Variants in DLG2 observed in about 807,000 individuals in gnomAD.
DLG2 encodes the protein disks large homolog 2.
In DLG2, 45 loss-of-function variants were observed where a neutral mutation model predicts 132.5. The ratio of observed to expected loss-of-function variants is 0.34; its 90% CI spans 0.27 to 0.44. The LOEUF (loss-of-function observed/expected upper bound fraction) is 0.44, where lower values mean the gene tolerates loss of function less well. Among genes scored for constraint, DLG2 ranks in the 20% least tolerant of loss-of-function variants. The pLI is 1.00. For synonymous variants in DLG2, 424 were observed against 419.6 expected (o/e 1.01, Z -0.13); for missense variants, 1,045 against 1,196.9 (o/e 0.87, Z 1.87).
chr11:84,750,823 C>G (rs1316525968), intron 6 of DLG2, among the ~76,000 whole-genome samples: 1 of 152,096 alleles, frequency 6.6e-6, no homozygotes. Context: ...TATGATCTTA[C>G]CACCTGATTG....
At chr11:84,301,456 G>C (rs1323610073) in intron 7 of DLG2, among the ~76,000 whole-genome samples, 1 of 151,816 alleles carries the variant, frequency 6.6e-6, no homozygotes, top group African/African-American at 2.4e-5. Flanking sequence ...AGGAGATCGA[G>C]ACCATCCTGG....
chr11:83,516,161 A>C (rs1207191297), intron 21 of DLG2, among the ~76,000 whole-genome samples: 2 of 152,034 alleles, frequency 1.3e-5, no homozygotes, highest in African/African-American at 4.8e-5. Context: ...TGGGAGTGTA[A>C]GTCTCTTTGT....
intron 7 of DLG2, among the ~76,000 whole-genome samples, chr11:84,354,507 T>G (rs1356548273): frequency 6.6e-6 from 1 of 152,166 alleles, no homozygotes; most frequent in African/African-American, 2.4e-5. Flanking sequence ...AACTTTGTTG[T>G]CAGGGATGAG....
At chr11:83,578,919 C>G (rs780054579) in intron 19 of DLG2, among the ~76,000 whole-genome samples, 4 of 152,218 alleles carry the variant, frequency 2.6e-5, no homozygotes, top group African/African-American at 9.6e-5. Flanking sequence ...TCAGACCACA[C>G]AGACAGTGAG....
intron 6 of DLG2, among the ~76,000 whole-genome samples, chr11:84,789,202 C>T (rs561829900): frequency 2.6e-5 from 4 of 152,214 alleles, no homozygotes; most frequent in Admixed American, 2.6e-4. Context: ...ACTGCCTTTC[C>T]TGGAGTTTCT....
chr11:83,886,542 GAC>G (rs2067954314), intron 15 of DLG2, among the ~76,000 whole-genome samples: 1 of 152,148 alleles, frequency 6.6e-6, no homozygotes, highest in Non-Finnish European at 1.5e-5. Flanking sequence ...AGATGAATGA[GAC>G]AGAAAGTTAA....
chr11:84,666,267 AAAC>A (rs2099699629), intron 6 of DLG2, among the ~76,000 whole-genome samples: 1 of 152,146 alleles, frequency 6.6e-6, no homozygotes, highest in Non-Finnish European at 1.5e-5. Flanking sequence ...TGAATAGAAC[AAAC>A]AACTGACTCT....
chr11:85,202,031 G>GA (rs986093649), intron 4 of DLG2, among the ~76,000 whole-genome samples: 1 of 150,750 alleles, frequency 6.6e-6, no homozygotes, highest in Non-Finnish European at 1.5e-5. Context: ...GAGGAAAAAT[G>GA]AAAAAAATGA....
intron 11 of DLG2, among the ~76,000 whole-genome samples, chr11:84,056,385 C>T (rs2096499350): frequency 6.6e-6 from 1 of 152,104 alleles, no homozygotes; most frequent in South Asian, 2.1e-4. Context: ...TTTTGTCTCT[C>T]CTAGTTATGA....
At chr11:84,526,848 G>C (rs1425361353) in intron 7 of DLG2, among the ~76,000 whole-genome samples, 1 of 141,782 alleles carries the variant, frequency 7.1e-6, no homozygotes, top group Non-Finnish European at 1.5e-5. Flanking sequence ...GCGCAATCTC[G>C]GCTCACTGCA....
At chr11:85,159,626 C>T (rs537368568) in intron 4 of DLG2, among the ~76,000 whole-genome samples, 2 of 152,276 alleles carry the variant, frequency 1.3e-5, no homozygotes, top group South Asian at 4.2e-4. Flanking sequence ...AGTGGTGACT[C>T]CAATTGCAGC....
intron 11 of DLG2, among the ~76,000 whole-genome samples, chr11:84,015,576 C>T (rs1456586989): frequency 2.6e-5 from 4 of 152,080 alleles, no homozygotes; most frequent in Non-Finnish European, 5.9e-5. Context: ...TCTTGTTTCC[C>T]CCCATGTGTC....
At chr11:83,687,876 T>C (rs2080097532) in intron 18 of DLG2, among the ~76,000 whole-genome samples, 1 of 151,872 alleles carries the variant, frequency 6.6e-6, no homozygotes, top group Non-Finnish European at 1.5e-5. Flanking sequence ...ATGGCATACA[T>C]CTGAAGTCCC....
intron 6 of DLG2, among the ~76,000 whole-genome samples, chr11:84,924,123 C>T (rs923711397): frequency 3.3e-5 from 5 of 152,130 alleles, no homozygotes; most frequent in South Asian, 2.1e-4. Flanking sequence ...TAAAAACATC[C>T]GTCAGATCCT....
intron 10 of DLG2, among the ~76,000 whole-genome samples, chr11:84,095,418 C>T (rs2097152432): frequency 6.6e-6 from 1 of 152,150 alleles, no homozygotes; most frequent in African/African-American, 2.4e-5. Context: ...GTGTTACATA[C>T]AGAAGTTAGA....
At chr11:84,573,808 T>C (rs2099491760) in intron 6 of DLG2, among the ~76,000 whole-genome samples, 1 of 152,170 alleles carries the variant, frequency 6.6e-6, no homozygotes, top group African/African-American at 2.4e-5. Flanking sequence ...CATTTCTTCA[T>C]AGTAAAAATG....
At chr11:84,135,361 C>G (rs182546260) in intron 9 of DLG2, among the ~76,000 whole-genome samples, 2 of 152,082 alleles carry the variant, frequency 1.3e-5, no homozygotes. Context: ...ATCAAATATA[C>G]GTTTTTTAAA....
intron 6 of DLG2, among the ~76,000 whole-genome samples, chr11:84,921,811 A>C (rs1254990294): frequency 1.3e-5 from 2 of 152,168 alleles, no homozygotes; most frequent in African/African-American, 4.8e-5. Flanking sequence ...ATCCAAGATG[A>C]TATTTGGGCA....
intron 6 of DLG2, among the ~76,000 whole-genome samples, chr11:84,910,370 A>AT (rs1332228779): frequency 1.3e-5 from 2 of 152,110 alleles, no homozygotes; most frequent in Non-Finnish European, 2.9e-5. Flanking sequence ...CATTACCTGA[A>AT]TTTTTTTCTT....
Sources: gnomAD v4.1 joint callset for allele counts (sites outside exome capture counted in the v4.1 genomes callset) on GRCh38, gnomAD v4.1.1 for gene constraint, MANE v1.5 for transcripts, NCBI Gene and HGNC (gene_info 2026-07-23, HGNC 2026-07-21) for gene names.